The following MAPKAP1 variants were observed in gnomAD, a reference collection of about 807,000 sequenced individuals.
MAPKAP1 encodes MAPK associated protein 1.
In MAPKAP1, 20 loss-of-function variants were observed where a neutral mutation model predicts 65.7. The observed-to-expected ratio is 0.30, with a 90% CI of 0.21 to 0.44. The LOEUF (loss-of-function observed/expected upper bound fraction) is 0.44, where lower values mean the gene tolerates loss of function less well. Ranked by LOEUF, MAPKAP1 falls within the 20% of genes least tolerant of loss-of-function variation. MAPKAP1 has a pLI of 1.00. For missense variants in MAPKAP1, 423 were observed against 648.0 expected, an observed-to-expected ratio of 0.65 and a Z score of 3.77; for synonymous variants, 222 against 244.3, an observed-to-expected ratio of 0.91 and a Z score of 0.85.
intron 4 of MAPKAP1, among the ~76,000 whole-genome samples, chr9:125,646,631 T>C (rs968347360): frequency 6.6e-6 from 1 of 152,104 alleles, no homozygotes; most frequent in African/African-American, 2.4e-5. Context: ...AATAACATCA[T>C]TTAAAAAGAC....
At chr9:125,677,586 C>G (rs892897822) in intron 1 of MAPKAP1, among the ~76,000 whole-genome samples, 8 of 152,046 alleles carry the variant, frequency 5.3e-5, no homozygotes, top group African/African-American at 1.9e-4. Context: ...GTGTCAGCTA[C>G]TCGGGAGGCT....
intron 5 of MAPKAP1, among the ~76,000 whole-genome samples, chr9:125,563,853 T>C (rs62570214): frequency 7.2e-5 from 11 of 152,072 alleles, no homozygotes; most frequent in Non-Finnish European, 1.3e-4. Flanking sequence ...AGTGGGATTA[T>C]AGGTGCCTGC....
At chr9:125,663,142 G>A (rs1298344148) in intron 3 of MAPKAP1, among the ~76,000 whole-genome samples, 4 of 152,226 alleles carry the variant, frequency 2.6e-5, no homozygotes, top group Middle Eastern at 6.8e-3. Context: ...AATCACCTCA[G>A]AGAAAAAATA....
At chr9:125,642,296 C>G (rs973086704) in intron 4 of MAPKAP1, among the ~76,000 whole-genome samples, 3 of 152,042 alleles carry the variant, frequency 2.0e-5, no homozygotes, top group African/African-American at 7.3e-5. Flanking sequence ...TGTGTACATC[C>G]TTTCATACTT....
intron 6 of MAPKAP1, among the ~76,000 whole-genome samples, chr9:125,553,625 T>C (rs1201247452): frequency 6.6e-6 from 1 of 152,132 alleles, no homozygotes; most frequent in African/African-American, 2.4e-5. Context: ...CCAACAAACC[T>C]ACCCCATGCC....
intron 7 of MAPKAP1, among the ~76,000 whole-genome samples, chr9:125,527,419 A>T (rs531927419): frequency 6.6e-5 from 10 of 152,212 alleles, no homozygotes; most frequent in Non-Finnish European, 1.5e-4. Context: ...ATGATGAAAA[A>T]GAGTAATTCC....
chr9:125,509,038 AATT>A lies in MAPKAP1; in HGVS notation c.959-2624_959-2622del, dbSNP rs200001207. 9.6e-3 allele frequency among the ~76,000 whole-genome samples: 1,458 copies of A among 152,194 alleles called. 13 individuals are homozygous for A. The highest frequency in any genetic ancestry group is 0.017 in the Non-Finnish European group (1,146 of 68,008). On this transcript the variant is annotated intron_variant, in intron 7 of 11. Transcript: ENST00000265960. The stretch of plus-strand genomic sequence containing the variant: ...TTTAAATTATAATTATAAAAATACA[AATT>A]ATAATTTTTAAAATATAATAGCAGA...
chr9:125,548,305 G>T (rs933322732), intron 6 of MAPKAP1, among the ~76,000 whole-genome samples: 2 of 152,196 alleles, frequency 1.3e-5, no homozygotes, highest in African/African-American at 4.8e-5. Flanking sequence ...CACAAAGGTG[G>T]AGGCAAGTTC....
At chr9:125,609,513 T>C (rs1278906179) in intron 4 of MAPKAP1, among the ~76,000 whole-genome samples, 1 of 152,150 alleles carries the variant, frequency 6.6e-6, no homozygotes, top group African/African-American at 2.4e-5. Context: ...AGAAAGAGTA[T>C]GTTGTTTATT....
chr9:125,518,335 C>CTACATCTGTAATCCCACAT lies in MAPKAP1; in HGVS notation c.959-11937_959-11919dup, dbSNP rs1564539411. On this transcript the variant is annotated intron_variant, in intron 7 of 11. Transcript: ENST00000265960. Reference sequence around the variant, plus strand: ...CTCACATTACATCTGTAATCCCATACTACATCTGTAATCCCACATTACATC... The same window carrying CTACATCTGTAATCCCACAT: ...CTCACATTACATCTGTAATCCCATACTACATCTGTAATCCCACATTACATCTGTAATCCCACATTACATC... 4.2e-3 allele frequency among the ~76,000 whole-genome samples: 612 copies of CTACATCTGTAATCCCACAT among 146,368 alleles called. 6 individuals are homozygous for CTACATCTGTAATCCCACAT. The highest frequency in any genetic ancestry group is 0.014 in the African/African-American group (583 of 41,130).
chr9:125,656,851 G>A (rs763508422), intron 4 of MAPKAP1, among the ~76,000 whole-genome samples: 1 of 152,162 alleles, frequency 6.6e-6, no homozygotes, highest in Admixed American at 6.5e-5. Context: ...CAAGAAGGCA[G>A]GGGGTTGGGG....
chr9:125,529,624 A>G (rs997614770), intron 7 of MAPKAP1, among the ~76,000 whole-genome samples: 1 of 152,254 alleles, frequency 6.6e-6, no homozygotes, highest in African/African-American at 2.4e-5. Flanking sequence ...AGGAGTTCCA[A>G]TAGACCACCT....
At chr9:125,479,327 C>T (rs1274309635) in intron 9 of MAPKAP1, among the ~76,000 whole-genome samples, 1 of 152,168 alleles carries the variant, frequency 6.6e-6, no homozygotes, top group Admixed American at 6.5e-5. Context: ...CGCCTGTAAT[C>T]CCAGCACTTT....
At chr9:125,469,009 A>G (rs1853794519) in intron 9 of MAPKAP1, among the ~76,000 whole-genome samples, 1 of 152,192 alleles carries the variant, frequency 6.6e-6, no homozygotes, top group African/African-American at 2.4e-5. Context: ...CCCGCCACAC[A>G]CCACCTAGGC....
At chr9:125,622,828 C>T (rs959859986) in intron 4 of MAPKAP1, among the ~76,000 whole-genome samples, 12 of 152,004 alleles carry the variant, frequency 7.9e-5, no homozygotes, top group Non-Finnish European at 1.6e-4. Flanking sequence ...TCTCCCCTCT[C>T]CGTCTCCCCA....
intron 11 of MAPKAP1, among the ~76,000 whole-genome samples, chr9:125,440,123 C>G (rs1852426362): frequency 6.6e-6 from 1 of 152,186 alleles, no homozygotes; most frequent in East Asian, 1.9e-4. Flanking sequence ...GATGCACACG[C>G]CCCAGTGCTG....
chr9:125,583,674 T>G (rs1168591512), intron 5 of MAPKAP1, among the ~76,000 whole-genome samples: 3 of 152,230 alleles, frequency 2.0e-5, no homozygotes, highest in African/African-American at 7.2e-5. Flanking sequence ...CTATAAGATG[T>G]ACATCACAGT....
intron 4 of MAPKAP1, among the ~76,000 whole-genome samples, chr9:125,626,966 CAGATG>C (rs1833136440): frequency 6.6e-6 from 1 of 152,198 alleles, no homozygotes; most frequent in Non-Finnish European, 1.5e-5. Context: ...ATCCTTTTCA[CAGATG>C]AGAAAACTAA....
chr9:125,591,588 TC>T (rs2131591102), intron 4 of MAPKAP1, among the ~76,000 whole-genome samples: 1 of 152,342 alleles, frequency 6.6e-6, no homozygotes, highest in South Asian at 2.1e-4. Context: ...AAGCACTTTA[TC>T]TTTTTAATCT....
Sources: gnomAD v4.1 joint callset for allele counts (sites outside exome capture counted in the v4.1 genomes callset) on GRCh38, gnomAD v4.1.1 for gene constraint, MANE v1.5 for transcripts, NCBI Gene and HGNC (gene_info 2026-07-23, HGNC 2026-07-21) for gene names.